The following C14orf39 variants were observed in gnomAD, a reference collection of about 807,000 sequenced individuals.
The protein encoded by C14orf39 is protein SIX6OS1.
C14orf39 carries 66 observed loss-of-function variants against 85.6 expected under a neutral mutation model. The observed-to-expected ratio is 0.77, with a 90% confidence interval of 0.63 to 0.95. The LOEUF is 0.95. Among genes scored for constraint, C14orf39 ranks in the 40% least tolerant of loss-of-function variants. The pLI is 0.00. For synonymous variants in C14orf39, 242 were observed against 214.0 expected (o/e 1.13, Z -1.14); for missense variants, 735 against 663.9 (o/e 1.11, Z -1.18).
chr14:60,478,843 C>T (rs1360366671), intron 4 of C14orf39, among the ~76,000 whole-genome samples: 1 of 151,934 alleles, frequency 6.6e-6, no homozygotes. Flanking sequence ...ACAGGTGTCA[C>T]ATCATCCTGA....
chr14:60,510,548 G>C (rs1401439499), intron 1 of C14orf39, among the ~76,000 whole-genome samples: 4 of 152,170 alleles, frequency 2.6e-5, no homozygotes, highest in Admixed American at 2.6e-4. Context: ...CCGGAGTGTG[G>C]ATCTCGATTA....
intron 6 of C14orf39, 25 bp from the exon 7 acceptor site, chr14:60,471,484 G>A (rs1209334071): frequency 1.9e-6 from 3 of 1,588,700 alleles, no homozygotes; most frequent in Non-Finnish European, 1.7e-6. Context: ...CACAGCATAA[G>A]CTGATTATTA....
In C14orf39 at chr14:60,468,427, T is replaced by A; in HGVS notation, c.767+18A>T. On this transcript the variant is annotated intron_variant, in intron 9 of 17. Coordinates refer to ENST00000321731, the MANE Select transcript of C14orf39 (RefSeq NM_174978.3). ...AATATCTGTTCACATAAAATTTAAT[T>A]TTAAAGGTTACCTATACCTTTCTTT... 1 of 1,458,332 alleles carries A rather than the reference T, an allele frequency of 6.9e-7. No homozygotes were observed. The highest frequency in any genetic ancestry group is 9.4e-7 in the Non-Finnish European group (1 of 1,069,174). 90.3% of individuals were successfully genotyped at this position (1,458,332 alleles called of 1,614,324 possible). A position where few individuals can be genotyped will look rare whatever the true frequency, so the allele number is the denominator to read the frequency against.
intron 4 of C14orf39, among the ~76,000 whole-genome samples, chr14:60,482,879 G>GGTATGTGTGT (rs1892701450): frequency 6.8e-6 from 1 of 146,644 alleles, no homozygotes; most frequent in Non-Finnish European, 1.5e-5. Context: ...TATATAGACA[G>GGTATGTGTGT]GTGTGTGTGT....
chr14:60,455,246 T>C lies in C14orf39; in HGVS notation c.1359-101A>G, dbSNP rs1050877050. 5 of 731,320 alleles carry C rather than the reference T, an allele frequency of 6.8e-6. No homozygotes were observed. In the African/African-American group the frequency reaches 7.5e-5, roughly 11 times the overall value. 45.3% of individuals were successfully genotyped at this position (731,320 alleles called of 1,614,324 possible). On this transcript the variant is annotated intron_variant, in intron 15 of 17. Transcript: ENST00000321731. ...AGCATAGAGGTGAGAATTAGCATAG[T>C]AGGGAAATGTAGGAAGTAGTTATTG...
Position 60,455,078 on chromosome 14 carries a change from TA to T in C14orf39, c.1425del (p.Met476Ter). 1 of 1,579,426 alleles carries T rather than the reference TA, an allele frequency of 6.3e-7. No homozygotes were observed. Among genetic ancestry groups the T allele is most frequent in the Non-Finnish European group, 8.6e-7 (1 of 1,166,914 alleles). ...TEKESPGLSF[L>X]MSYTSRSPGL... ...CCAGGTGATCTAGAAGTATAACTCATAAGAAAAGAAAGTCCAGGGGATTCCT... is the reference window on the plus strand; with the variant it reads ...CCAGGTGATCTAGAAGTATAACTCATAGAAAAGAAAGTCCAGGGGATTCCT... On this transcript the variant is annotated frameshift_variant, in exon 16 of 18. Transcript: ENST00000321731. LOFTEE classifies it high-confidence loss of function.
intron 2 of C14orf39, chr14:60,496,014 C>T (rs1893065099): frequency 3.7e-6 from 2 of 545,064 alleles, no homozygotes; most frequent in African/African-American, 3.8e-5. Flanking sequence ...GGACAAAGAG[C>T]TAGTTGTGAA....
At chr14:60,440,416 CTCAATCCTTA>C (rs1890453060) in intron 17 of C14orf39, among the ~76,000 whole-genome samples, 1 of 152,188 alleles carries the variant, frequency 6.6e-6, no homozygotes, top group Non-Finnish European at 1.5e-5. Context: ...GTTTCTCTCT[CTCAATCCTTA>C]TATCCAGTCC....
chr14:60,459,237 T>C (rs1891413421), intron 13 of C14orf39, among the ~76,000 whole-genome samples: 1 of 151,830 alleles, frequency 6.6e-6, no homozygotes, highest in South Asian at 2.1e-4. Flanking sequence ...TTTTTACTGA[T>C]GTAAAGTATT....
intron 2 of C14orf39, chr14:60,494,706 T>A (rs937108218): frequency 6.6e-6 from 1 of 152,376 alleles, no homozygotes; most frequent in Admixed American, 6.6e-5. Flanking sequence ...GCATCTGGAC[T>A]TTGGCTCTCC....
intron 5 of C14orf39, among the ~76,000 whole-genome samples, chr14:60,472,635 A>C (rs1200282887): frequency 6.6e-6 from 1 of 152,014 alleles, no homozygotes; most frequent in Non-Finnish European, 1.5e-5. Flanking sequence ...CCCACCTACG[A>C]GTGAGAATAT....
At chr14:60,464,184 T>C (rs560955592) in intron 11 of C14orf39, among the ~76,000 whole-genome samples, 1 of 152,286 alleles carries the variant, frequency 6.6e-6, no homozygotes, top group South Asian at 2.1e-4. Context: ...ATGGTTACCT[T>C]CTGACCATGA....
intron 16 of C14orf39, among the ~76,000 whole-genome samples, chr14:60,445,777 T>A (rs900444572): frequency 1.3e-5 from 2 of 152,136 alleles, no homozygotes; most frequent in African/African-American, 4.8e-5. Flanking sequence ...CAGCACCACA[T>A]TGCACTTATT....
intron 5 of C14orf39, among the ~76,000 whole-genome samples, chr14:60,476,747 T>C (rs1566677290): frequency 6.6e-6 from 1 of 152,162 alleles, no homozygotes; most frequent in Non-Finnish European, 1.5e-5. Flanking sequence ...ATATATACTG[T>C]GTTTGGGGCT....
In C14orf39 at chr14:60,478,292, T is replaced by A; in HGVS notation, c.323+8A>T. On this transcript the variant is annotated splice_region_variant and intron_variant, in intron 5 of 17. Coordinates refer to ENST00000321731, the MANE Select transcript of C14orf39 (RefSeq NM_174978.3). Reference sequence around the variant, plus strand: ...ATAGAATTGATAAACTTCATATAAGTACTATACTTGTCTTTTTCAACAGTT... The same window carrying A: ...ATAGAATTGATAAACTTCATATAAGAACTATACTTGTCTTTTTCAACAGTT... The A allele has an allele frequency of 7.1e-7, 1 of 1,417,896 alleles. No homozygotes were observed. The highest frequency in any genetic ancestry group is 9.7e-7 in the Non-Finnish European group (1 of 1,034,498). 87.8% of individuals were successfully genotyped at this position (1,417,896 alleles called of 1,614,324 possible).
At chr14:60,468,227 T>C (rs1331377791) in intron 9 of C14orf39, among the ~76,000 whole-genome samples, 1 of 151,774 alleles carries the variant, frequency 6.6e-6, no homozygotes, top group Non-Finnish European at 1.5e-5. Flanking sequence ...TATTTCTCTT[T>C]ACACATTATC....
At position 60,436,851 on chromosome 14, in the gene C14orf39, A is replaced by G. The variant is rs751645423; in HGVS notation, c.1758T>C (p.Phe586=). The G allele has an allele frequency of 2.5e-6, 4 of 1,600,614 alleles. No individual in the cohort carries two copies. The Admixed American group carries it at 6.8e-5, about 27-fold the overall frequency. The part of the protein sequence containing the change: ...SSSQNTTQFT[F]F ...TAAGGAATTAATGACTAGCTCAAAA[A>G]AAAGTAAACTGTGTTGTATTTTGTG... Residue 586 remains phenylalanine (F), a synonymous_variant, in exon 18 of 18, where the codon TTT becomes TTC. Coordinates refer to ENST00000321731, the MANE Select transcript of C14orf39 (RefSeq NM_174978.3).
At chr14:60,456,709 A>G (rs531519323) in intron 15 of C14orf39, among the ~76,000 whole-genome samples, 64 of 152,218 alleles carry the variant, frequency 4.2e-4, no homozygotes, top group African/African-American at 1.4e-3. Flanking sequence ...CAGAGTATTA[A>G]TAATTGTTAA....
chr14:60,509,290 C>T, intron 1 of C14orf39: 1 of 967,444 alleles, frequency 1.0e-6, no homozygotes, highest in Non-Finnish European at 1.6e-6. Flanking sequence ...GTCCCGCTGC[C>T]CCAATCCGCC....
Sources: allele counts gnomAD v4.1 joint callset (sites outside exome capture counted in the v4.1 genomes callset), GRCh38; gene constraint gnomAD v4.1.1; transcripts MANE v1.5; gene names NCBI Gene and HGNC (gene_info 2026-07-23, HGNC 2026-07-21).